The following SLC26A8 variants were observed in gnomAD, a reference collection of about 807,000 sequenced individuals.
The protein encoded by SLC26A8 is solute carrier family 26 member 8.
Under a neutral mutation model 105.0 loss-of-function variants are expected in SLC26A8, and 70 were observed. That is an observed-to-expected ratio of 0.67 (90% CI 0.55 to 0.81). SLC26A8 has a LOEUF of 0.81. Among genes scored for constraint, SLC26A8 ranks in the 40% least tolerant of loss-of-function variants. SLC26A8 has a pLI of 0.00. For synonymous variants in SLC26A8, 415 were observed against 438.3 expected (o/e 0.95, Z 0.66); for missense variants, 998 against 1,181.8 (o/e 0.84, Z 2.28).
chr6:35,963,625 G>A (rs892532199), intron 11 of SLC26A8, among the ~76,000 whole-genome samples: 1 of 152,172 alleles, frequency 6.6e-6, no homozygotes, highest in Admixed American at 6.5e-5. Flanking sequence ...ATAGCTAAAG[G>A]TTATACTCAT....
intron 3 of SLC26A8, among the ~76,000 whole-genome samples, chr6:36,001,420 G>T (rs1173679783): frequency 1.3e-5 from 2 of 152,166 alleles, no homozygotes; most frequent in South Asian, 2.1e-4. Context: ...GAGCCACCGC[G>T]CCCAGCCAGG....
intron 11 of SLC26A8, among the ~76,000 whole-genome samples, chr6:35,963,239 G>A (rs568209926): frequency 2.0e-5 from 3 of 152,210 alleles, no homozygotes; most frequent in Admixed American, 2.0e-4. Context: ...CCATCTGACA[G>A]GCCATCCGGA....
At chr6:35,987,990 C>T (rs190450431) in intron 7 of SLC26A8, among the ~76,000 whole-genome samples, 13 of 150,188 alleles carry the variant, frequency 8.7e-5, no homozygotes, top group Admixed American at 4.0e-4. Context: ...TGGCTCACTG[C>T]GACCTCCGCC....
chr6:36,018,936 A>G (rs1003650562), intron 2 of SLC26A8, among the ~76,000 whole-genome samples: 10 of 151,680 alleles, frequency 6.6e-5, no homozygotes, highest in African/African-American at 2.4e-4. Flanking sequence ...TTATTTATTT[A>G]TTTTTTTTGA....
intron 2 of SLC26A8, among the ~76,000 whole-genome samples, chr6:36,013,199 C>CTT (rs546063188): frequency 7.0e-6 from 1 of 142,880 alleles, no homozygotes; most frequent in Admixed American, 7.1e-5. Context: ...TGTCCAGAGA[C>CTT]TTTTTTTTTT....
chr6:36,017,215 A>G (rs550078000), intron 2 of SLC26A8, among the ~76,000 whole-genome samples: 5 of 151,100 alleles, frequency 3.3e-5, no homozygotes, highest in East Asian at 1.9e-4. Context: ...GGAAGGAGAA[A>G]AGAAAAGAAA....
chr6:36,015,128 G>A (rs934735157), intron 2 of SLC26A8, among the ~76,000 whole-genome samples: 1 of 140,342 alleles, frequency 7.1e-6, no homozygotes, highest in Non-Finnish European at 1.5e-5. Flanking sequence ...TTTTTTTTGA[G>A]AGGGAGTCTC....
intron 19 of SLC26A8, 121 bp from the exon 20 acceptor site, chr6:35,944,461 A>G: frequency 1.6e-6 from 1 of 610,918 alleles, no homozygotes; most frequent in Non-Finnish European, 2.9e-6. Context: ...GCTTTAGACC[A>G]GGAGTTCAAG....
chr6:36,012,063 C>T (rs982243601), intron 3 of SLC26A8, among the ~76,000 whole-genome samples, 170 bp downstream of exon 3: 1 of 152,200 alleles, frequency 6.6e-6, no homozygotes, highest in African/African-American at 2.4e-5. Flanking sequence ...TCTTTTGGAA[C>T]CACCCTGGAG....
At chr6:35,999,577 T>C (rs1417169848) in intron 4 of SLC26A8, among the ~76,000 whole-genome samples, 1 of 152,224 alleles carries the variant, frequency 6.6e-6, no homozygotes, top group Non-Finnish European at 1.5e-5. Context: ...TGTGATAACA[T>C]TTTCTCACTG....
Position 35,992,604 on chromosome 6 carries a change from A to G in SLC26A8, c.698T>C (p.Leu233Pro), listed in dbSNP as rs1285991835. The change falls in exon 6 of 20, where the codon CTG becomes CCG. Residue 233 changes from leucine to proline, a missense_variant. Leu to Pro is a moderately conservative substitution (Grantham distance 98). Transcript: ENST00000490799. ...YLPESAMSAY[L>P]AAVALHIMLS... ...CATGATATGAAGTGCCACAGCAGCC[A>G]GGTAAGCACTCATTGCAGACTCCGG... 1.2e-6 allele frequency: 2 copies of G among 1,614,090 alleles called. No individual in the cohort carries two copies. Among genetic ancestry groups the G allele is most frequent in the Non-Finnish European group, 1.7e-6 (2 of 1,180,036 alleles).
chr6:35,944,172 C>T lies in SLC26A8; in HGVS notation c.2641G>A (p.Glu881Lys). The T allele has an allele frequency of 6.2e-7, 1 of 1,614,132 alleles. No homozygotes were observed. Among genetic ancestry groups the T allele is most frequent in the South Asian group, 1.1e-5 (1 of 91,080 alleles). The change falls in exon 20 of 20, where the codon GAG (glutamate) becomes AAG (lysine). Residue 881 changes from glutamate (E) to lysine (K), a missense_variant. Coordinates refer to ENST00000490799, the MANE Select transcript of SLC26A8 (RefSeq NM_052961.4). ...TTGGGCTCCATTTCAGGCTCCAGCT[C>T]CCGATCCAGGTCTAGGTCCAGACCC... The part of the protein sequence containing the change: ...GLGLDLDLDR[E>K]LEPEMEPKAE...
At chr6:36,008,023 G>A (rs771967536) in intron 3 of SLC26A8, among the ~76,000 whole-genome samples, 4 of 151,758 alleles carry the variant, frequency 2.6e-5, no homozygotes, top group Non-Finnish European at 5.9e-5. Flanking sequence ...GGGAGGCTAA[G>A]GCAGGAGAAT....
chr6:35,953,013 C>CAAAA (rs11364963), intron 17 of SLC26A8, among the ~76,000 whole-genome samples: 5 of 63,714 alleles, frequency 7.8e-5, no homozygotes, highest in Non-Finnish European at 9.0e-5. Context: ...GATGCTGTCT[C>CAAAA]AAAAAAAAAA....
chr6:36,012,490 A>G, intron 2 of SLC26A8, 118 bp from the exon 3 acceptor site: 1 of 1,111,256 alleles, frequency 9.0e-7, no homozygotes, highest in Non-Finnish European at 1.2e-6. Context: ...AGCACTAATG[A>G]GAGTTTGACA....
chr6:35,986,880 C>T (rs140853471), intron 7 of SLC26A8, among the ~76,000 whole-genome samples: 1 of 152,118 alleles, frequency 6.6e-6, no homozygotes, highest in East Asian at 1.9e-4. Flanking sequence ...TTGATGAACA[C>T]TTGGGTTGAT....
At chr6:35,982,743 A>G (rs912106174) in intron 7 of SLC26A8, among the ~76,000 whole-genome samples, 3 of 152,214 alleles carry the variant, frequency 2.0e-5, no homozygotes, top group African/African-American at 7.2e-5. Flanking sequence ...TTCCAGGTAC[A>G]TTGTAGTAAT....
At chr6:36,016,142 C>T (rs1373574595) in intron 2 of SLC26A8, among the ~76,000 whole-genome samples, 1 of 151,952 alleles carries the variant, frequency 6.6e-6, no homozygotes, top group Admixed American at 6.6e-5. Context: ...TACAGCTGTG[C>T]GCCACCAAGC....
chr6:36,007,294 A>T (rs1382572885), intron 3 of SLC26A8, among the ~76,000 whole-genome samples: 3 of 152,234 alleles, frequency 2.0e-5, no homozygotes, highest in Admixed American at 1.3e-4. Flanking sequence ...CAAGAAAAAC[A>T]CACAAATATC....
Sources: allele counts gnomAD v4.1 joint callset (sites outside exome capture counted in the v4.1 genomes callset), GRCh38; gene constraint gnomAD v4.1.1; transcripts MANE v1.5; gene names NCBI Gene and HGNC (gene_info 2026-07-23, HGNC 2026-07-21).